Variants in MTOR observed in about 807,000 individuals in gnomAD.
MTOR encodes serine/threonine-protein kinase mTOR.
Under a neutral mutation model 319.8 loss-of-function variants are expected in MTOR, and 70 were observed. The observed-to-expected ratio is 0.22, with a 90% confidence interval of 0.18 to 0.27. The LOEUF is 0.27. MTOR is among the 10% of genes least tolerant of loss of function. The pLI is 1.00. For missense variants in MTOR, 1,890 were observed against 3,274.4 expected, an observed-to-expected ratio of 0.58 and a Z score of 10.32; for synonymous variants, 1,183 against 1,211.4, an observed-to-expected ratio of 0.98 and a Z score of 0.49.
rs897302604 is a variant in MTOR at position 11,170,634 on chromosome 1, T to C, written c.4254-3117A>G. 2.8e-4 allele frequency among the ~76,000 whole-genome samples: 43 copies of C among 151,856 alleles called. 1 individual carries two copies. Among genetic ancestry groups the C allele is most frequent in the African/African-American group, 9.2e-4 (38 of 41,338 alleles). Reference sequence around the variant, plus strand: ...TGATATGGTCCCTGTATTATTACAATGGATTCTTGGGATGAAGGCCATCTT... The same window carrying C: ...TGATATGGTCCCTGTATTATTACAACGGATTCTTGGGATGAAGGCCATCTT... On this transcript the variant is annotated intron_variant, in intron 28 of 57. Transcript: ENST00000361445.
At chr1:11,198,309 A>C (rs541652542) in intron 28 of MTOR, among the ~76,000 whole-genome samples, 1 of 152,308 alleles carries the variant, frequency 6.6e-6, no homozygotes, top group Non-Finnish European at 1.5e-5. Context: ...CTCCAAGTCC[A>C]ATTTATTTGG....
rs1643085655 is a variant in MTOR at position 11,130,509 on chromosome 1, A to G, written c.5613+20T>C. ...CCTGGCACCTTGGTTGGTTGTTAAT[A>G]AGGAAGAAGGGAAGGGTACCTCAGT... is the stretch of plus-strand genomic sequence containing the variant. On this transcript the variant is annotated intron_variant, in intron 39 of 57. Transcript: ENST00000361445. 6.2e-7 allele frequency: 1 copy of G among 1,603,750 alleles called. No homozygotes were observed. The highest frequency in any genetic ancestry group is 8.5e-7 in the Non-Finnish European group (1 of 1,173,926).
intron 1 of MTOR, among the ~76,000 whole-genome samples, chr1:11,261,939 T>C (rs1303922384): frequency 6.6e-6 from 1 of 152,088 alleles, no homozygotes; most frequent in Non-Finnish European, 1.5e-5. Context: ...CTAATGGTGT[T>C]GATAGGGCTT....
chr1:11,240,073 A>G (rs1569754106), intron 11 of MTOR, among the ~76,000 whole-genome samples: 1 of 152,198 alleles, frequency 6.6e-6, no homozygotes, highest in Admixed American at 6.5e-5. Context: ...TCCTTGGATC[A>G]ACGTATACTT....
chr1:11,126,040 T>C (rs1557751954), intron 46 of MTOR, among the ~76,000 whole-genome samples: 3 of 43,732 alleles, frequency 6.9e-5, no homozygotes, highest in African/African-American at 3.3e-4. Flanking sequence ...AAACTCTGGC[T>C]CAAAAAAAAA....
At chr1:11,250,945 T>C (rs909021871) in intron 6 of MTOR, among the ~76,000 whole-genome samples, 1 of 152,310 alleles carries the variant, frequency 6.6e-6, no homozygotes. Flanking sequence ...TGCAACTCCA[T>C]AGCTCCCACT....
At chr1:11,232,941 G>A (rs1260981519) in intron 15 of MTOR, 1 of 747,656 alleles carries the variant, frequency 1.3e-6, no homozygotes, top group African/African-American at 1.7e-5. Context: ...ATCATGGTGT[G>A]TGCCTGACTC....
intron 36 of MTOR, among the ~76,000 whole-genome samples, chr1:11,136,486 A>AT (rs200836405): frequency 0.012 from 1,859 of 152,178 alleles, 48 homozygotes; most frequent in African/African-American, 0.041. Context: ...TTTAATTTTA[A>AT]TTTTTTTAAC....
chr1:11,106,895 G>C lies in MTOR; in HGVS notation c.*590C>G. 2 of 1,363,672 alleles carry C rather than the reference G, an allele frequency of 1.5e-6. No homozygotes were observed. Among genetic ancestry groups the C allele is most frequent in the Middle Eastern group, 4.8e-4 (2 of 4,144 alleles). 84.5% of individuals were successfully genotyped at this position (1,363,672 alleles called of 1,614,324 possible). On this transcript the variant is annotated 3_prime_UTR_variant, in exon 58 of 58. Coordinates refer to ENST00000361445, the MANE Select transcript of MTOR (RefSeq NM_004958.4). ...GGTCAGGTCTTGAATTGAAGCGTGT[G>C]AGTCGCAGCATCACTGGGTCTGATG...
At chr1:11,194,510 G>A in intron 28 of MTOR, 2 of 1,614,154 alleles carry the variant, frequency 1.2e-6, no homozygotes, top group Non-Finnish European at 1.7e-6. Flanking sequence ...TTTGTTTTGG[G>A]CAATGAACTC....
In MTOR at chr1:11,145,181, G is replaced by A. The variant is rs576931584; in HGVS notation, c.4687-136C>T. 3 of 740,128 alleles carry A rather than the reference G, an allele frequency of 4.1e-6. No individual in the cohort carries two copies. In the South Asian group the frequency reaches 5.2e-5, roughly 13 times the overall value. The allele number at this position is 740,128 out of a possible 1,614,324, so 45.8% of individuals were successfully genotyped here. A position where few individuals can be genotyped will look rare whatever the true frequency, so the allele number is the denominator to read the frequency against. ...TGAAAAGAGAAATTCGCTGAAGAAGGGCATTTTCCCAGAACTGAATGGCTT... is the reference window on the plus strand; with the variant it reads ...TGAAAAGAGAAATTCGCTGAAGAAGAGCATTTTCCCAGAACTGAATGGCTT... On this transcript the variant is annotated intron_variant, in intron 32 of 57. Coordinates refer to ENST00000361445, the MANE Select transcript of MTOR (RefSeq NM_004958.4).
chr1:11,177,755 GT>G (rs1436750238), intron 28 of MTOR, among the ~76,000 whole-genome samples: 1 of 152,112 alleles, frequency 6.6e-6, no homozygotes, highest in Non-Finnish European at 1.5e-5. Context: ...AATGTTAACA[GT>G]TTTTGAGATT....
chr1:11,204,751 A>G (rs1212773499), intron 25 of MTOR, 48 bp from the exon 26 acceptor site: 4 of 1,580,020 alleles, frequency 2.5e-6, no homozygotes, highest in Non-Finnish European at 3.4e-6. Flanking sequence ...TCAAGGGCCA[A>G]TTGAAAAAAG....
At position 11,122,802 on chromosome 1, in the gene MTOR, C is replaced by T. The variant is rs532588455; in HGVS notation, c.6663-676G>A. Among the ~76,000 whole-genome samples, 10 of 152,190 alleles carry T rather than the reference C, an allele frequency of 6.6e-5. No individual in the cohort carries two copies. The East Asian group carries it at 1.5e-3, about 24-fold the overall frequency. On this transcript the variant is annotated intron_variant, in intron 47 of 57. Transcript: ENST00000361445. Reference sequence around the variant, plus strand: ...GATTACAGGCGTGAGCCACCGCGCCCGGCGGCCCTGACTATTTTTAATGAG... The same window carrying T: ...GATTACAGGCGTGAGCCACCGCGCCTGGCGGCCCTGACTATTTTTAATGAG...
At chr1:11,136,854 T>G (rs1643445652) in intron 36 of MTOR, among the ~76,000 whole-genome samples, 2 of 151,660 alleles carry the variant, frequency 1.3e-5, no homozygotes, top group Admixed American at 1.3e-4. Flanking sequence ...ATTTTTTTTT[T>G]TTTTGAAACA....
At chr1:11,185,794 A>AT (rs1484746238) in intron 28 of MTOR, among the ~76,000 whole-genome samples, 23 of 152,112 alleles carry the variant, frequency 1.5e-4, no homozygotes, top group Non-Finnish European at 2.6e-4. Flanking sequence ...AGAAAGGCAG[A>AT]TATGTGGCCG....
Position 11,238,704 on chromosome 1 carries a change from T to TGA in MTOR, c.1787-89_1787-88dup, listed in dbSNP as rs1366182099. 97 of 1,155,022 alleles carry TGA rather than the reference T, an allele frequency of 8.4e-5. No individual in the cohort carries two copies. In the East Asian group the frequency reaches 2.3e-3, roughly 27 times the overall value. The allele number at this position is 1,155,022 out of a possible 1,614,324, so 71.5% of individuals were successfully genotyped here. On this transcript the variant is annotated intron_variant, in intron 11 of 57. Transcript: ENST00000361445. ...AGCTTGCTAGCTGAATTTTCCATTTTGAGGCTACTAATTCTACTTTCAACT... is the reference window on the plus strand; with the variant it reads ...AGCTTGCTAGCTGAATTTTCCATTTTGAGAGGCTACTAATTCTACTTTCAACT...
At chr1:11,114,788 C>A (rs1642076736) in intron 52 of MTOR, 25 bp downstream of exon 52, 2 of 1,609,258 alleles carry the variant, frequency 1.2e-6, no homozygotes, top group Non-Finnish European at 1.7e-6. Context: ...CATTTGGAAG[C>A]AGCTCGTTCC....
At chr1:11,150,602 T>C (rs1644106445) in intron 30 of MTOR, among the ~76,000 whole-genome samples, 2 of 152,224 alleles carry the variant, frequency 1.3e-5, no homozygotes, top group African/African-American at 4.8e-5. Flanking sequence ...GACATTCATT[T>C]TGGGCTCAAA....
Sources: gnomAD v4.1 joint callset for allele counts (sites outside exome capture counted in the v4.1 genomes callset) on GRCh38, gnomAD v4.1.1 for gene constraint, MANE v1.5 for transcripts, NCBI Gene and HGNC (gene_info 2026-07-23, HGNC 2026-07-21) for gene names.